The following SLCO4A1 variants were observed in gnomAD, a reference collection of about 807,000 sequenced individuals.
SLCO4A1 encodes the protein solute carrier organic anion transporter family member 4A1.
In SLCO4A1, 51 loss-of-function variants were observed where a neutral mutation model predicts 64.6. The ratio of observed to expected loss-of-function variants is 0.79; its 90% CI spans 0.63 to 1.00. SLCO4A1 has a LOEUF of 1.00. SLCO4A1 is among the 50% of genes least tolerant of loss of function. The probability of loss-of-function intolerance (pLI) is 0.00; values close to 1 mark genes in which losing one functional copy is unlikely to be tolerated. For missense variants in SLCO4A1, 919 were observed against 980.5 expected (o/e 0.94, Z 0.84); for synonymous variants, 471 against 444.9 (o/e 1.06, Z -0.74).
At chr20:62,686,027 T>C (rs147347862), downstream of SLCO4A1, among the ~76,000 whole-genome samples, 1,380 of 152,164 alleles carry the variant, frequency 9.1e-3, 5 homozygotes, top group Non-Finnish European at 0.014. Flanking sequence ...GTGGGGAAGG[T>C]ACCCTCCGGG....
intron 2 of SLCO4A1, among the ~76,000 whole-genome samples, chr20:62,683,220 C>T (rs1199524134): frequency 6.6e-6 from 1 of 152,192 alleles, no homozygotes; most frequent in Non-Finnish European, 1.5e-5. Context: ...TTACATTTCT[C>T]TTGTGTTTAA....
chr20:62,682,257 C>T (rs775729486), intron 2 of SLCO4A1, among the ~76,000 whole-genome samples: 13 of 152,222 alleles, frequency 8.5e-5, no homozygotes, highest in Non-Finnish European at 1.5e-4. Flanking sequence ...TTGTCCACAC[C>T]TGGACCTGGC....
Position 62,668,504 on chromosome 20 carries a change from TG to T in SLCO4A1, c.1840del (p.Ala614ProfsTer8). The T allele has an allele frequency of 6.2e-7, 1 of 1,613,992 alleles. No individual in the cohort carries two copies. The highest frequency in any genetic ancestry group is 8.5e-7 in the Non-Finnish European group (1 of 1,179,998). ...GTGTCCGTGACCCTCAGAGATCCTT[TG>T]CCCTGGGAATCCAGTGGATTGTAGT... ...RCVRDPQRSFALGIQWIVVRI... is the reference protein window; with the variant it reads ...RCVRDPQRSFXLGIQWIVVRI... On this transcript the variant is annotated frameshift_variant, in exon 10 of 12. Transcript: ENST00000217159. LOFTEE classifies it high-confidence loss of function.
chr20:62,665,923 G>C (rs1378506997), intron 6 of SLCO4A1: 1 of 157,080 alleles, frequency 6.4e-6, no homozygotes, highest in African/African-American at 2.4e-5. Context: ...TTTTACTGTT[G>C]GTGGCCACTC....
Position 62,672,091 on chromosome 20 carries a change from T to C in SLCO4A1, c.*198T>C, listed in dbSNP as rs1987308043. Reference sequence around the variant, plus strand: ...AGTGGGTGGGAGGAACTTGCATAAATATATATTTATGGACACACAGTTTGC... The same window carrying C: ...AGTGGGTGGGAGGAACTTGCATAAACATATATTTATGGACACACAGTTTGC... On this transcript the variant is annotated 3_prime_UTR_variant, in exon 12 of 12. Transcript: ENST00000217159. 2.1e-6 allele frequency: 3 copies of C among 1,454,874 alleles called. No individual in the cohort carries two copies. Among genetic ancestry groups the C allele is most frequent in the Non-Finnish European group, 2.7e-6 (3 of 1,104,240 alleles). The allele number at this position is 1,454,874 out of a possible 1,614,324, so 90.1% of individuals were successfully genotyped here.
rs76275560 is a variant in SLCO4A1 at position 62,659,860 on chromosome 20, G to A, written c.888-552G>A. On this transcript the variant is annotated intron_variant, in intron 3 of 11. Transcript: ENST00000217159. Reference sequence around the variant, plus strand: ...GAGCTTGTCCTCACTGTGAAGACGCGTCCCTGGATGCCCAGAGCTTGGATG... The same window carrying A: ...GAGCTTGTCCTCACTGTGAAGACGCATCCCTGGATGCCCAGAGCTTGGATG... Among the ~76,000 whole-genome samples, 13 of 152,358 alleles carry A rather than the reference G, an allele frequency of 8.5e-5. No individual in the cohort carries two copies. In the South Asian group the frequency reaches 1.4e-3, roughly 17 times the overall value.
At chr20:62,681,438 G>A (rs549866886) in intron 2 of SLCO4A1, among the ~76,000 whole-genome samples, 44 of 150,446 alleles carry the variant, frequency 2.9e-4, no homozygotes, top group Non-Finnish European at 2.8e-4. Flanking sequence ...GTACACACTC[G>A]TGTGTGTGTA....
At chr20:62,671,158 C>T (rs6062771) in intron 11 of SLCO4A1, among the ~76,000 whole-genome samples, 19,882 of 152,238 alleles carry the variant, frequency 0.13, 1,650 homozygotes, top group East Asian at 0.21. Flanking sequence ...GCTTGAACCC[C>T]GGCTGTGGTG....
At chr20:62,686,992 GATGGGAAGGGCACCCCCAAACAGGCACA>G (rs1569159189), downstream of SLCO4A1, among the ~76,000 whole-genome samples, 28 of 135,442 alleles carry the variant, frequency 2.1e-4, no homozygotes, top group African/African-American at 6.2e-4. Flanking sequence ...AAACAGGCAC[GATGGGAAGGGCACCCCCAAACAGGCACA>G]ATGGGAAGGG....
At chr20:62,679,568 G>T (rs900875072) in intron 2 of SLCO4A1, among the ~76,000 whole-genome samples, 5 of 152,078 alleles carry the variant, frequency 3.3e-5, no homozygotes, top group Admixed American at 1.3e-4. Context: ...TTGCTATGTT[G>T]CCCAGGCTCG....
chr20:62,652,415 G>A (rs1204413162), intron 1 of SLCO4A1, among the ~76,000 whole-genome samples: 3 of 151,844 alleles, frequency 2.0e-5, no homozygotes, highest in South Asian at 2.1e-4. Flanking sequence ...CTGTTTCGGC[G>A]GCCGGCGGCC....
intron 11 of SLCO4A1, 86 bp downstream of exon 11, chr20:62,669,164 A>G: frequency 1.5e-6 from 2 of 1,324,570 alleles, no homozygotes; most frequent in South Asian, 1.2e-5. Context: ...AGCAGCTTGG[A>G]CCACAGCCTA....
chr20:62,654,307 C>T (rs750743530), intron 1 of SLCO4A1, among the ~76,000 whole-genome samples: 2 of 152,250 alleles, frequency 1.3e-5, no homozygotes, highest in African/African-American at 4.8e-5. Context: ...TCACTTGTCA[C>T]ATCTGCAAAG....
At position 62,656,512 on chromosome 20, in the gene SLCO4A1, A is replaced by C. The variant is rs1267850717; in HGVS notation, c.58A>C (p.Met20Leu). The C allele has an allele frequency of 1.4e-5, 22 of 1,559,668 alleles. No homozygotes were observed. The highest frequency in any genetic ancestry group is 8.1e-5 in the South Asian group (7 of 86,750). ...CACCTTCCCCAGCCCCAACTCAGCC[A>C]TGGAAAACGGGCTTGACCACACCCC... ...PLTFPSPNSA[M>L]ENGLDHTPPS... The change falls in exon 2 of 12, where the codon ATG becomes CTG. Residue 20 changes from methionine to leucine, a missense_variant. Met to Leu is a conservative substitution (Grantham distance 15). Transcript: ENST00000217159.
chr20:62,670,979 T>C (rs1006540719), intron 11 of SLCO4A1, among the ~76,000 whole-genome samples: 5 of 152,260 alleles, frequency 3.3e-5, no homozygotes, highest in African/African-American at 4.8e-5. Flanking sequence ...ACATGTACTC[T>C]GCGTGGGCAT....
intron 1 of SLCO4A1, among the ~76,000 whole-genome samples, chr20:62,654,302 T>C (rs1983223132): frequency 6.6e-6 from 1 of 152,242 alleles, no homozygotes; most frequent in African/African-American, 2.4e-5. Flanking sequence ...TCAGATCACT[T>C]GTCACATCTG....
chr20:62,687,890 G>A (rs1035235537), downstream of SLCO4A1, among the ~76,000 whole-genome samples: 2 of 152,056 alleles, frequency 1.3e-5, no homozygotes, highest in Non-Finnish European at 1.5e-5. Flanking sequence ...GCAGGAAAAG[G>A]TACCCCAGGG....
chr20:62,657,210 G>A lies in SLCO4A1; in HGVS notation c.756G>A (p.Leu252=), dbSNP rs1417395082. The A allele has an allele frequency of 1.3e-6, 2 of 1,543,114 alleles. No homozygotes were observed. The highest frequency in any genetic ancestry group is 1.8e-6 in the Non-Finnish European group (2 of 1,141,412). ...TCTACACGCTGGGCGTCACCTACCTGGATGAGAACGTCAAGTCCAGCTGCT... is the reference window on the plus strand; with the variant it reads ...TCTACACGCTGGGCGTCACCTACCTAGATGAGAACGTCAAGTCCAGCTGCT... ...TPLYTLGVTY[L]DENVKSSCSP... The change falls in exon 2 of 12, where the codon CTG becomes CTA. Residue 252 remains leucine (L), a synonymous_variant. Coordinates refer to ENST00000217159, the MANE Select transcript of SLCO4A1 (RefSeq NM_016354.4).
chr20:62,686,060 G>A (rs1028324945), downstream of SLCO4A1, among the ~76,000 whole-genome samples: 20 of 152,148 alleles, frequency 1.3e-4, no homozygotes, highest in African/African-American at 4.8e-4. Flanking sequence ...TCTGGACTCC[G>A]AGAGCCCCTG....
Sources: allele counts gnomAD v4.1 joint callset (sites outside exome capture counted in the v4.1 genomes callset), GRCh38; gene constraint gnomAD v4.1.1; transcripts MANE v1.5; gene names NCBI Gene and HGNC (gene_info 2026-07-23, HGNC 2026-07-21).